The following FBN1 variants were observed in gnomAD, a reference collection of about 807,000 sequenced individuals.
FBN1 encodes fibrillin-1.
FBN1 carries 29 observed loss-of-function variants against 365.1 expected under a neutral mutation model. The observed-to-expected ratio is 0.08, with a 90% CI of 0.06 to 0.11. The LOEUF is 0.11. Among genes scored for constraint, FBN1 ranks in the 10% least tolerant of loss-of-function variants. FBN1 has a pLI of 1.00. For synonymous variants in FBN1, 1,210 were observed against 1,270.5 expected (o/e 0.95, Z 1.01); for missense variants, 2,476 against 3,703.2 (o/e 0.67, Z 8.60).
intron 34 of FBN1, among the ~76,000 whole-genome samples, chr15:48,473,051 C>T (rs1389614993): frequency 6.6e-6 from 1 of 152,160 alleles, no homozygotes; most frequent in African/African-American, 2.4e-5. Flanking sequence ...AAAAGAATGG[C>T]AACCATAGGG....
At chr15:48,435,063 C>T (rs907016149) in intron 53 of FBN1, among the ~76,000 whole-genome samples, 2 of 152,108 alleles carry the variant, frequency 1.3e-5, no homozygotes, top group Non-Finnish European at 2.9e-5. Context: ...TCCCAAAGTG[C>T]TGAGATTAAA....
chr15:48,483,348 T>C (rs2043481108), intron 31 of FBN1, among the ~76,000 whole-genome samples: 1 of 152,080 alleles, frequency 6.6e-6, no homozygotes, highest in South Asian at 2.1e-4. Context: ...AGATGAAAAA[T>C]ACACTGTATG....
intron 2 of FBN1, among the ~76,000 whole-genome samples, chr15:48,625,502 TGACACCCTTCTG>T: frequency 6.6e-6 from 1 of 152,216 alleles, no homozygotes; most frequent in East Asian, 1.9e-4. Context: ...AGCCCAGGCT[TGACACCCTTCTG>T]GACCCCCTGC....
chr15:48,445,361 A>C lies in FBN1; in HGVS notation c.5917+15T>G. The C allele has an allele frequency of 6.2e-7, 1 of 1,612,088 alleles. No homozygotes were observed. The highest frequency in any genetic ancestry group is 8.5e-7 in the Non-Finnish European group (1 of 1,178,816). The stretch of plus-strand genomic sequence containing the variant: ...GGAAGCATTCTTTCCAGGTCTTTCT[A>C]AGTCCTGTACTTACCCACACAGGTC... On this transcript the variant is annotated intron_variant, in intron 48 of 65. Transcript: ENST00000316623.
At chr15:48,584,636 C>T (rs192917870) in intron 6 of FBN1, among the ~76,000 whole-genome samples, 1 of 152,224 alleles carries the variant, frequency 6.6e-6, no homozygotes, top group Non-Finnish European at 1.5e-5. Flanking sequence ...TTTGTGATAG[C>T]TTATTCTGCT....
At chr15:48,617,453 G>A (rs1386629636) in intron 2 of FBN1, among the ~76,000 whole-genome samples, 3 of 152,174 alleles carry the variant, frequency 2.0e-5, no homozygotes, top group Non-Finnish European at 2.9e-5. Context: ...GATTAAAGGT[G>A]TGAGCCACCG....
At chr15:48,425,605 G>A in intron 59 of FBN1, 114 bp from the exon 60 acceptor site, 1 of 1,543,416 alleles carries the variant, frequency 6.5e-7, no homozygotes, top group Non-Finnish European at 8.9e-7. Context: ...AGGAAACTCT[G>A]TGTAGACTTT....
intron 2 of FBN1, among the ~76,000 whole-genome samples, chr15:48,638,955 G>A (rs368658521): frequency 9.2e-5 from 14 of 152,206 alleles, no homozygotes; most frequent in African/African-American, 3.4e-4. Context: ...AATATAATAC[G>A]CTGTCCAAAG....
chr15:48,635,580 TAAATAGAAATTGAAAATA>T (rs1890077447), intron 2 of FBN1, among the ~76,000 whole-genome samples: 1 of 152,154 alleles, frequency 6.6e-6, no homozygotes, highest in Non-Finnish European at 1.5e-5. Context: ...TTTGAGGCTA[TAAATAGAAATTGAAAATA>T]AAATTCCATA....
In FBN1 at chr15:48,430,821, C is replaced by G. The variant is rs2043018519; in HGVS notation, c.6740-19G>C. ...TCCTCATCTGTAAAAAATGTACAAT[C>G]ACAAATTTGTCAAAGAAAATGCATA... On this transcript the variant is annotated intron_variant, in intron 55 of 65. Coordinates refer to ENST00000316623, the MANE Select transcript of FBN1 (RefSeq NM_000138.5). The G allele has an allele frequency of 1.2e-6, 2 of 1,612,608 alleles. No individual in the cohort carries two copies. The highest frequency in any genetic ancestry group is 1.7e-6 in the Non-Finnish European group (2 of 1,179,408).
Position 48,463,953 on chromosome 15 carries a change from T to A in FBN1, c.5011A>T (p.Thr1671Ser). 1.2e-6 allele frequency: 2 copies of A among 1,613,838 alleles called. No homozygotes were observed. The highest frequency in any genetic ancestry group is 8.5e-7 in the Non-Finnish European group (1 of 1,179,778). ...ATGTAGTCTGGAGGACAGATACAGG[T>A]GTAGTTGCCAACGGTGTTGTAACAT... is the stretch of plus-strand genomic sequence containing the variant. ...GTCYNTVGNY[T>S]CICPPDYMQV... Residue 1671 changes from threonine (T) to serine (S), a missense_variant, in exon 41 of 66, where the codon ACC becomes TCC. Coordinates refer to ENST00000316623, the MANE Select transcript of FBN1 (RefSeq NM_000138.5).
intron 17 of FBN1, among the ~76,000 whole-genome samples, chr15:48,501,504 A>G (rs1597572873): frequency 1.3e-5 from 2 of 152,182 alleles, no homozygotes; most frequent in African/African-American, 2.4e-5. Context: ...AAATTACTCA[A>G]TCTGTGGTTT....
At chr15:48,426,390 A>G (rs2042979818) in intron 58 of FBN1, among the ~76,000 whole-genome samples, 1 of 152,096 alleles carries the variant, frequency 6.6e-6, no homozygotes, top group Admixed American at 6.5e-5. Context: ...TATTGGGGAA[A>G]TGAGATGAAC....
intron 59 of FBN1, 115 bp from the exon 60 acceptor site, chr15:48,425,606 T>G: frequency 1.3e-6 from 2 of 1,544,536 alleles, no homozygotes; most frequent in Non-Finnish European, 1.8e-6. Context: ...GGAAACTCTG[T>G]GTAGACTTTG....
intron 14 of FBN1, among the ~76,000 whole-genome samples, chr15:48,509,341 T>C (rs1217007000): frequency 6.6e-6 from 1 of 151,204 alleles, no homozygotes; most frequent in Non-Finnish European, 1.5e-5. Flanking sequence ...TAAAGCTGTC[T>C]TGGGAGGCAC....
chr15:48,642,020 G>A (rs1341699153), intron 2 of FBN1: 13 of 152,102 alleles, frequency 8.5e-5, no homozygotes, highest in Admixed American at 8.5e-4. Flanking sequence ...GTTGGTAATA[G>A]CAAAAGACTC....
chr15:48,586,322 C>T (rs2044434792), intron 6 of FBN1, among the ~76,000 whole-genome samples: 1 of 149,520 alleles, frequency 6.7e-6, no homozygotes, highest in Non-Finnish European at 1.5e-5. Flanking sequence ...TGCATAGAAA[C>T]TGATGGGGCT....
intron 6 of FBN1, among the ~76,000 whole-genome samples, chr15:48,548,325 T>C (rs1369792546): frequency 1.3e-5 from 2 of 152,160 alleles, no homozygotes; most frequent in South Asian, 2.1e-4. Flanking sequence ...GACTAGCAAT[T>C]ATGCAAATAT....
chr15:48,561,568 A>G (rs941651240), intron 6 of FBN1, among the ~76,000 whole-genome samples: 2 of 152,176 alleles, frequency 1.3e-5, no homozygotes, highest in East Asian at 3.8e-4. Context: ...AACATACTAA[A>G]TATCAATTCA....
Sources: gnomAD v4.1 joint callset for allele counts (sites outside exome capture counted in the v4.1 genomes callset) on GRCh38, gnomAD v4.1.1 for gene constraint, MANE v1.5 for transcripts, NCBI Gene and HGNC (gene_info 2026-07-23, HGNC 2026-07-21) for gene names.